Variants in CRY1 observed in about 807,000 individuals in gnomAD.
CRY1 encodes the protein cryptochrome circadian regulator 1, also known as cryptochrome-1.
A neutral mutation model predicts 76.0 loss-of-function variants in CRY1; 45 were observed. The ratio of observed to expected loss-of-function variants is 0.59; its 90% CI spans 0.47 to 0.76. CRY1 has a LOEUF of 0.76. Ranked by LOEUF, CRY1 falls within the 30% of genes least tolerant of loss-of-function variation. The pLI is 0.00. For synonymous variants in CRY1, 248 were observed against 244.0 expected (o/e 1.02, Z -0.15); for missense variants, 587 against 716.4 (o/e 0.82, Z 2.06).
intron 1 of CRY1, among the ~76,000 whole-genome samples, chr12:107,036,518 T>C (rs1352987317): frequency 1.3e-5 from 2 of 152,054 alleles, no homozygotes; most frequent in Non-Finnish European, 2.9e-5. Context: ...AGATGCCAAG[T>C]GGTCATGTCA....
chr12:107,015,693 AT>A lies in CRY1; in HGVS notation c.267+6390del, dbSNP rs1167934991. On this transcript the variant is annotated intron_variant, in intron 2 of 12. Coordinates refer to ENST00000008527, the MANE Select transcript of CRY1 (RefSeq NM_004075.5). ...TGAGTAAGTGAATATTCACTTTGCAATTTTTTTTGAGCGAGGGTCTTGCTCT... is the reference window on the plus strand; with the variant it reads ...TGAGTAAGTGAATATTCACTTTGCAATTTTTTTGAGCGAGGGTCTTGCTCT... 2.7e-5 allele frequency among the ~76,000 whole-genome samples: 4 copies of A among 150,838 alleles called. No homozygotes were observed. The East Asian group carries it at 8.0e-4, about 30-fold the overall frequency.
Position 107,093,104 on chromosome 12 carries a change from C to G in CRY1, c.-143G>C. On this transcript the variant is annotated 5_prime_UTR_variant, in exon 1 of 13. Coordinates refer to ENST00000008527, the MANE Select transcript of CRY1 (RefSeq NM_004075.5). Reference sequence around the variant, plus strand: ...GAGGGGGAACAGGAAAAAATGACTCCGAGGAGGGGACCGGAGAAGGCGGGG... The same window carrying G: ...GAGGGGGAACAGGAAAAAATGACTCGGAGGAGGGGACCGGAGAAGGCGGGG... 1 of 993,176 alleles carries G rather than the reference C, an allele frequency of 1.0e-6. No homozygotes were observed. Among genetic ancestry groups the G allele is most frequent in the Non-Finnish European group, 1.4e-6 (1 of 713,868 alleles). 61.5% of individuals were successfully genotyped at this position (993,176 alleles called of 1,614,324 possible).
chr12:107,090,665 G>A (rs1953459741), intron 1 of CRY1, among the ~76,000 whole-genome samples: 1 of 152,152 alleles, frequency 6.6e-6, no homozygotes, highest in South Asian at 2.1e-4. Flanking sequence ...ACAGTGCCTG[G>A]CATATAGTAG....
intron 1 of CRY1, chr12:107,043,322 G>A (rs1158854899): frequency 6.6e-6 from 1 of 152,434 alleles, no homozygotes; most frequent in Non-Finnish European, 1.5e-5. Flanking sequence ...ATGAAGCAGT[G>A]CCCTGCATCC....
intron 5 of CRY1, among the ~76,000 whole-genome samples, chr12:107,000,430 C>T (rs1347925174): frequency 6.6e-6 from 1 of 151,948 alleles, no homozygotes; most frequent in African/African-American, 2.4e-5. Context: ...CGGCTCACTG[C>T]AACCTCCAGC....
intron 1 of CRY1, among the ~76,000 whole-genome samples, chr12:107,065,522 G>A (rs1953099094): frequency 6.6e-6 from 1 of 152,032 alleles, no homozygotes; most frequent in African/African-American, 2.4e-5. Context: ...TTGAACACTG[G>A]AGGTTGAGGT....
chr12:107,004,185 G>T (rs1284468044), intron 3 of CRY1, among the ~76,000 whole-genome samples: 1 of 152,034 alleles, frequency 6.6e-6, no homozygotes, highest in South Asian at 2.1e-4. Flanking sequence ...CTTGCTATGA[G>T]CTCCTTAAAG....
At chr12:107,008,673 T>C (rs1328218754) in intron 2 of CRY1, among the ~76,000 whole-genome samples, 2 of 152,222 alleles carry the variant, frequency 1.3e-5, no homozygotes, top group African/African-American at 4.8e-5. Context: ...TATTTAGCAC[T>C]TGATATGGTT....
chr12:107,080,040 A>G (rs1448366023), intron 1 of CRY1, among the ~76,000 whole-genome samples: 1 of 152,112 alleles, frequency 6.6e-6, no homozygotes, highest in Non-Finnish European at 1.5e-5. Context: ...TGGAGAGGGA[A>G]GAATGTATTT....
chr12:107,073,243 C>CTT (rs572589570), intron 1 of CRY1, among the ~76,000 whole-genome samples: 2 of 147,946 alleles, frequency 1.4e-5, no homozygotes, highest in African/African-American at 4.9e-5. Flanking sequence ...CTCTCTCTCT[C>CTT]TTTTTTTTTT....
intron 2 of CRY1, among the ~76,000 whole-genome samples, chr12:107,007,902 C>T (rs1182005355): frequency 2.6e-5 from 4 of 152,196 alleles, no homozygotes; most frequent in African/African-American, 7.2e-5. Flanking sequence ...ATAAATAACA[C>T]TTCCTGCCCC....
At chr12:107,067,888 T>G (rs1273076008) in intron 1 of CRY1, among the ~76,000 whole-genome samples, 6 of 152,226 alleles carry the variant, frequency 3.9e-5, no homozygotes, top group African/African-American at 1.4e-4. Flanking sequence ...TCCTAACTAT[T>G]CCATAAGAAC....
At chr12:107,056,779 T>C (rs1472485691) in intron 1 of CRY1, among the ~76,000 whole-genome samples, 1 of 151,572 alleles carries the variant, frequency 6.6e-6, no homozygotes, top group Admixed American at 6.6e-5. Context: ...AGGATAGGAG[T>C]AGATGACAAA....
intron 7 of CRY1, 45 bp downstream of exon 7, chr12:106,999,506 G>A: frequency 6.6e-7 from 1 of 1,508,706 alleles, no homozygotes. Flanking sequence ...ATTAAGGTAA[G>A]GATTCCTTCA....
chr12:107,013,656 T>TAC (rs1331614361), intron 2 of CRY1, among the ~76,000 whole-genome samples: 1 of 152,174 alleles, frequency 6.6e-6, no homozygotes, highest in Non-Finnish European at 1.5e-5. Context: ...GAGATAAGGC[T>TAC]ACACTTCAGT....
At chr12:107,078,027 T>C (rs900719998) in intron 1 of CRY1, among the ~76,000 whole-genome samples, 3 of 152,208 alleles carry the variant, frequency 2.0e-5, no homozygotes, top group African/African-American at 7.2e-5. Flanking sequence ...AATTCATTGA[T>C]TAAGGAAGAA....
intron 1 of CRY1, among the ~76,000 whole-genome samples, chr12:107,038,883 A>T (rs927850915): frequency 1.3e-5 from 2 of 152,214 alleles, no homozygotes; most frequent in Admixed American, 1.3e-4. Context: ...CAAAACTCTC[A>T]GCTCCTAGGT....
At chr12:106,996,676 G>A (rs1408706279) in intron 10 of CRY1, among the ~76,000 whole-genome samples, 1 of 152,148 alleles carries the variant, frequency 6.6e-6, no homozygotes, top group Non-Finnish European at 1.5e-5. Flanking sequence ...CACTGATGCT[G>A]TCCTATTTTT....
chr12:107,046,422 C>A (rs1375473315), intron 1 of CRY1, among the ~76,000 whole-genome samples: 1 of 151,980 alleles, frequency 6.6e-6, no homozygotes, highest in South Asian at 2.1e-4. Context: ...AGAATAAAAA[C>A]TTACAACTAC....
Sources: allele counts gnomAD v4.1 joint callset (sites outside exome capture counted in the v4.1 genomes callset), GRCh38; gene constraint gnomAD v4.1.1; transcripts MANE v1.5; gene names NCBI Gene and HGNC (gene_info 2026-07-23, HGNC 2026-07-21).